The following FLT1 variants were observed in gnomAD, a reference collection of about 807,000 sequenced individuals.
The protein encoded by FLT1 is vascular endothelial growth factor receptor 1.
Under a neutral mutation model 156.3 loss-of-function variants are expected in FLT1, and 49 were observed. That is an observed-to-expected ratio of 0.31 (90% CI 0.25 to 0.40). The LOEUF is 0.40. FLT1 is among the 10% of genes least tolerant of loss of function. FLT1 has a pLI of 1.00. For synonymous variants in FLT1, 594 were observed against 583.8 expected (o/e 1.02, Z -0.25); for missense variants, 1,322 against 1,637.2 (o/e 0.81, Z 3.32).
intron 1 of FLT1, among the ~76,000 whole-genome samples, chr13:28,494,577 T>C (rs1311164276): frequency 1.3e-5 from 2 of 151,792 alleles, no homozygotes; most frequent in Non-Finnish European, 2.9e-5. Flanking sequence ...GGCCAGCCAC[T>C]CCTCGAGGCG....
chr13:28,431,725 C>G (rs1456814399), intron 6 of FLT1, among the ~76,000 whole-genome samples: 2 of 152,142 alleles, frequency 1.3e-5, no homozygotes, highest in African/African-American at 2.4e-5. Flanking sequence ...TACACAGTAA[C>G]CTGTTCCCTA....
intron 1 of FLT1, among the ~76,000 whole-genome samples, chr13:28,471,391 T>C (rs533682217): frequency 1.9e-4 from 29 of 152,252 alleles, no homozygotes; most frequent in Non-Finnish European, 3.8e-4. Context: ...AATATTTATT[T>C]CTTGAATGTT....
rs756158785 is a variant in FLT1 at position 28,427,795 on chromosome 13, C to T, written c.1233G>A (p.Gln411=). 4.3e-6 allele frequency: 7 copies of T among 1,613,840 alleles called. No individual in the cohort carries two copies. The highest frequency in any genetic ancestry group is 3.3e-5 in the Admixed American group (2 of 59,994). The change falls in exon 9 of 30, where the codon CAG becomes CAA. Residue 411 remains glutamine (Q), a synonymous_variant. Transcript: ENST00000282397. Reference sequence around the variant, plus strand: ...CAGTGAGGTTTTTAAACACATTTGACTGTTTTATGCTCAGCAAGATTGTAT... The same window carrying T: ...CAGTGAGGTTTTTAAACACATTTGATTGTTTTATGCTCAGCAAGATTGTAT... ...GNYTILLSIK[Q]SNVFKNLTAT...
At chr13:28,389,017 G>T in intron 13 of FLT1, 2 of 1,064,876 alleles carry the variant, frequency 1.9e-6, no homozygotes, top group Non-Finnish European at 2.3e-6. Context: ...AGGAGGGAGG[G>T]GACGTTGATT....
At chr13:28,444,059 A>G (rs955443867) in intron 3 of FLT1, among the ~76,000 whole-genome samples, 11 of 152,246 alleles carry the variant, frequency 7.2e-5, no homozygotes, top group African/African-American at 2.7e-4. Flanking sequence ...ACAGAGCACT[A>G]ACACACAGGA....
chr13:28,422,173 C>T (rs118071390), intron 10 of FLT1, among the ~76,000 whole-genome samples: 4 of 152,270 alleles, frequency 2.6e-5, no homozygotes, highest in Non-Finnish European at 4.4e-5. Flanking sequence ...ATATCAGTGA[C>T]GTGCCAAGTT....
intron 15 of FLT1, among the ~76,000 whole-genome samples, chr13:28,347,613 A>G (rs928992749): frequency 5.3e-5 from 8 of 152,174 alleles, no homozygotes; most frequent in African/African-American, 1.7e-4. Context: ...GAGGATTCTG[A>G]GCATCTGTGT....
intron 3 of FLT1, among the ~76,000 whole-genome samples, chr13:28,448,941 AC>A (rs762615175): frequency 6.6e-6 from 1 of 152,166 alleles, no homozygotes; most frequent in Non-Finnish European, 1.5e-5. Flanking sequence ...TAGGCCACTC[AC>A]AAAAAATAAA....
chr13:28,353,398 C>A lies in FLT1; in HGVS notation c.2248+4156G>T, dbSNP rs377535203. On this transcript the variant is annotated intron_variant, in intron 15 of 29. Coordinates refer to ENST00000282397, the MANE Select transcript of FLT1 (RefSeq NM_002019.4). The stretch of plus-strand genomic sequence containing the variant: ...GACCAGCCTGGCCAACGTGGTGAGA[C>A]CCCGTCTCTACTAAAAATACAAAAA... Among the ~76,000 whole-genome samples the A allele has an allele frequency of 1.6e-4, 24 of 151,898 alleles. No individual in the cohort carries two copies. In the East Asian group the frequency reaches 2.3e-3, roughly 15 times the overall value.
At chr13:28,318,041 C>G (rs1871276541) in intron 24 of FLT1, among the ~76,000 whole-genome samples, 1 of 152,134 alleles carries the variant, frequency 6.6e-6, no homozygotes, top group African/African-American at 2.4e-5. Context: ...TCACTGCAGC[C>G]TCGAACTCCT....
At chr13:28,462,269 A>G (rs1188924185) in intron 3 of FLT1, among the ~76,000 whole-genome samples, 1 of 152,200 alleles carries the variant, frequency 6.6e-6, no homozygotes, top group Non-Finnish European at 1.5e-5. Context: ...TAACTCATAT[A>G]TTACAATAAT....
At chr13:28,406,460 T>G (rs888889404) in intron 10 of FLT1, among the ~76,000 whole-genome samples, 15 of 152,152 alleles carry the variant, frequency 9.9e-5, no homozygotes, top group African/African-American at 3.1e-4. Flanking sequence ...ATAAAGGTGT[T>G]GATGTTATTT....
chr13:28,322,989 G>C lies in FLT1; in HGVS notation c.2797-43C>G. On this transcript the variant is annotated intron_variant, in intron 20 of 29. Coordinates refer to ENST00000282397, the MANE Select transcript of FLT1 (RefSeq NM_002019.4). This position sits in a 1 kb window ranked among gnomAD's most constrained non-coding sequence, Gnocchi z 4.3. ...AGGACCCAGGTGAAAAGGAGCTCCAGCACAGCAGTGGGAAACCAGTCCCTC... is the reference window on the plus strand; with the variant it reads ...AGGACCCAGGTGAAAAGGAGCTCCACCACAGCAGTGGGAAACCAGTCCCTC... 6.2e-7 allele frequency: 1 copy of C among 1,607,744 alleles called. No individual in the cohort carries two copies. The highest frequency in any genetic ancestry group is 8.5e-7 in the Non-Finnish European group (1 of 1,174,284).
Position 28,467,553 on chromosome 13 carries a change from C to A in FLT1, c.129G>T (p.Met43Ile). Reference protein sequence around the residue: ...ELSLKGTQHIMQAGQTLHLQC... With the variant: ...ELSLKGTQHIIQAGQTLHLQC... ...GGAGATGCAGTGTCTGGCCTGCTTG[C>A]ATGATGTGCTGGGTGCCTTTTAAAC... Residue 43 changes from methionine to isoleucine, a missense_variant, in exon 2 of 30, where the codon ATG becomes ATT. Transcript: ENST00000282397. The A allele has an allele frequency of 6.2e-7, 1 of 1,611,132 alleles. No individual in the cohort carries two copies. The highest frequency in any genetic ancestry group is 1.7e-5 in the Admixed American group (1 of 59,814).
rs112496264 is a variant in FLT1, at chr13:28,405,776, A to G, written c.1551+4T>C. On this transcript the variant is annotated splice_donor_region_variant and intron_variant, in intron 11 of 29. Coordinates refer to ENST00000282397, the MANE Select transcript of FLT1 (RefSeq NM_002019.4). ...ATCCCAGTGCGCATTTTTACAAACA[A>G]TACCTTATTCTTTCCTTCTATTATT... 14 of 1,488,274 alleles carry G rather than the reference A, an allele frequency of 9.4e-6. No individual in the cohort carries two copies. The African/African-American group carries it at 9.7e-5, about 10-fold the overall frequency. 92.2% of individuals were successfully genotyped at this position (1,488,274 alleles called of 1,614,324 possible).
At chr13:28,319,326 G>T in intron 24 of FLT1, 97 bp downstream of exon 24, 2 of 795,504 alleles carry the variant, frequency 2.5e-6, no homozygotes, top group Non-Finnish European at 4.3e-6. Flanking sequence ...TGTTACAGTA[G>T]GTTCTAATCT....
At chr13:28,478,254 T>C (rs568379305) in intron 1 of FLT1, among the ~76,000 whole-genome samples, 2 of 152,344 alleles carry the variant, frequency 1.3e-5, no homozygotes, top group South Asian at 2.1e-4. Flanking sequence ...TTTGGAAGCA[T>C]AGCATGGAAT....
chr13:28,346,724 G>C lies in FLT1; in HGVS notation c.2249-1173C>G, dbSNP rs534416569. Among the ~76,000 whole-genome samples, 8 of 152,284 alleles carry C rather than the reference G, an allele frequency of 5.3e-5. No individual in the cohort carries two copies. In the East Asian group the frequency reaches 9.7e-4, roughly 18 times the overall value. On this transcript the variant is annotated intron_variant, in intron 15 of 29. Coordinates refer to ENST00000282397, the MANE Select transcript of FLT1 (RefSeq NM_002019.4). ...GACCTGGTCTCAAAAGAGAGAGGGA[G>C]AGAAAGAGAGAGAGACAGACAGATA... is the stretch of plus-strand genomic sequence containing the variant.
intron 3 of FLT1, among the ~76,000 whole-genome samples, chr13:28,451,515 G>A (rs1878936380): frequency 6.6e-6 from 1 of 152,258 alleles, no homozygotes; most frequent in African/African-American, 2.4e-5. Flanking sequence ...CTCAGGGGCA[G>A]AGGATGCCTG....
Sources: allele counts gnomAD v4.1 joint callset (sites outside exome capture counted in the v4.1 genomes callset), GRCh38; gene constraint gnomAD v4.1.1; non-coding constraint Gnocchi (gnomAD v3.1); transcripts MANE v1.5; gene names NCBI Gene and HGNC (gene_info 2026-07-23, HGNC 2026-07-21).